The following RNASEH1 variants were observed in gnomAD, a reference collection of about 807,000 sequenced individuals.
RNASEH1 encodes ribonuclease H1.
In RNASEH1, 27 loss-of-function variants were observed where a neutral mutation model predicts 34.6. The observed-to-expected ratio is 0.78, with a 90% CI of 0.58 to 1.08. The LOEUF (loss-of-function observed/expected upper bound fraction) is 1.08. Among genes scored for constraint, RNASEH1 ranks in the 50% least tolerant of loss-of-function variants. RNASEH1 has a pLI of 0.00. For synonymous variants in RNASEH1, 162 were observed against 138.4 expected (o/e 1.17, Z -1.20); for missense variants, 349 against 373.6 (o/e 0.93, Z 0.54).
the RNASEH1 span, chr2:3,532,118 G>T: frequency 1.6e-6 from 1 of 629,640 alleles, no homozygotes; most frequent in Non-Finnish European, 2.9e-6. Context: ...GGGAAGGGGA[G>T]TTTTGGGGAA....
intron 2 of RNASEH1, 149 bp downstream of exon 2, chr2:3,556,640 C>T (rs1660528338): frequency 1.6e-6 from 1 of 611,678 alleles, no homozygotes; most frequent in Non-Finnish European, 3.0e-6. Flanking sequence ...TTTGTAACTG[C>T]TTTCAGTCTG....
rs769670120 is a variant in RNASEH1 at position 3,558,243 on chromosome 2, G to A, written c.18C>T (p.Phe6=). The change falls in exon 1 of 8, where the codon TTC becomes TTT. Residue 6 remains phenylalanine, a synonymous_variant. Coordinates refer to ENST00000315212, the MANE Select transcript of RNASEH1 (RefSeq NM_002936.6). ...CGGCCAAGGCGACTCTGTGGGCCAG[G>A]AACAGAAGCCAGCTCATCGCTCACT... MSWLL[F]LAHRVALAAL... 4 of 1,593,932 alleles carry A rather than the reference G, an allele frequency of 2.5e-6. No individual in the cohort carries two copies. The South Asian group carries it at 3.4e-5, about 14-fold the overall frequency.
At position 3,555,581 on chromosome 2, in the gene RNASEH1, C is replaced by T. The variant is rs1226892207; in HGVS notation, c.244+1208G>A. Reference sequence around the variant, plus strand: ...GGATTGTTACGATGATTCGAAGGAGCAGTTGTTCAGGTTCAAGCATCTCAG... The same window carrying T: ...GGATTGTTACGATGATTCGAAGGAGTAGTTGTTCAGGTTCAAGCATCTCAG... On this transcript the variant is annotated intron_variant, in intron 2 of 7. Coordinates refer to ENST00000315212, the MANE Select transcript of RNASEH1 (RefSeq NM_002936.6). 2.6e-5 allele frequency among the ~76,000 whole-genome samples: 4 copies of T among 152,154 alleles called. No homozygotes were observed. In the East Asian group the frequency reaches 5.8e-4, roughly 22 times the overall value.
chr2:3,538,574 T>G (rs574990643), downstream of RNASEH1, among the ~76,000 whole-genome samples: 106 of 152,148 alleles, frequency 7.0e-4, no homozygotes, highest in Non-Finnish European at 1.3e-3. Context: ...TTTTTCCACT[T>G]AACAGTGCCC....
the RNASEH1 span, among the ~76,000 whole-genome samples, chr2:3,534,541 C>A: frequency 2.6e-5 from 4 of 152,242 alleles, no homozygotes; most frequent in African/African-American, 7.2e-5. Flanking sequence ...TTGGGTGCCA[C>A]CACGTTCCCC....
At chr2:3,554,859 T>G (rs1660329756) in intron 2 of RNASEH1, among the ~76,000 whole-genome samples, 1 of 152,228 alleles carries the variant, frequency 6.6e-6, no homozygotes, top group East Asian at 1.9e-4. Flanking sequence ...AAACTGATTT[T>G]TCCATCTGGG....
chr2:3,551,722 C>A (rs992858439), intron 3 of RNASEH1, among the ~76,000 whole-genome samples: 3 of 152,284 alleles, frequency 2.0e-5, no homozygotes, highest in Non-Finnish European at 2.9e-5. Context: ...GAAAAGTTCA[C>A]TACTACCTTG....
chr2:3,554,031 G>A (rs1024551488), intron 2 of RNASEH1, among the ~76,000 whole-genome samples: 1 of 152,174 alleles, frequency 6.6e-6, no homozygotes, highest in African/African-American at 2.4e-5. Context: ...AACCAGGGAT[G>A]GAGAAATGGG....
At chr2:3,553,681 C>T (rs912793913) in intron 2 of RNASEH1, among the ~76,000 whole-genome samples, 12 of 152,106 alleles carry the variant, frequency 7.9e-5, no homozygotes, top group African/African-American at 2.9e-4. Flanking sequence ...TGAGCCGCTG[C>T]GCCCGGCCCC....
the RNASEH1 span, chr2:3,532,292 T>C: frequency 1.7e-5 from 12 of 702,306 alleles, no homozygotes; most frequent in South Asian, 1.8e-4. Context: ...AAACAGTAGA[T>C]CAGCAGTTTA....
intron 1 of RNASEH1, chr2:3,557,634 C>A: frequency 2.7e-6 from 1 of 370,514 alleles, no homozygotes; most frequent in Non-Finnish European, 5.5e-6. Context: ...AACTTCCTGA[C>A]CCCAAGAACT....
At chr2:3,535,987 G>A in the RNASEH1 span, among the ~76,000 whole-genome samples, 10 of 152,320 alleles carry the variant, frequency 6.6e-5, no homozygotes, top group Non-Finnish European at 1.2e-4. Flanking sequence ...TCCCGGCCAC[G>A]AGAGAGCCAG....
intron 5 of RNASEH1, 61 bp downstream of exon 5, chr2:3,548,997 A>T: frequency 7.8e-7 from 1 of 1,284,758 alleles, no homozygotes; most frequent in Non-Finnish European, 1.1e-6. Flanking sequence ...GAATTAGTTT[A>T]TTTGATAATT....
chr2:3,532,582 C>T, the RNASEH1 span, among the ~76,000 whole-genome samples: 1 of 152,248 alleles, frequency 6.6e-6, no homozygotes, highest in Non-Finnish European at 1.5e-5. Context: ...TAAACCTGTA[C>T]AGCAGGTCAC....
At position 3,543,909 on chromosome 2, in the gene RNASEH1, C is replaced by T. The variant is rs1668515793; in HGVS notation, c.*1876G>A. On this transcript the variant is annotated 3_prime_UTR_variant, in exon 8 of 8. Coordinates refer to ENST00000315212, the MANE Select transcript of RNASEH1 (RefSeq NM_002936.6). ...GATTACAGGCATAAGACACCATGCC[C>T]AGCCCATGAATTCTTGTATATATGT... 6.6e-6 allele frequency among the ~76,000 whole-genome samples: 1 copy of T among 152,136 alleles called. No individual in the cohort carries two copies. The highest frequency in any genetic ancestry group is 6.5e-5 in the Admixed American group (1 of 15,272).
rs147831154 is a variant in RNASEH1 at position 3,552,845 on chromosome 2, T to C, written c.245-537A>G. On this transcript the variant is annotated intron_variant, in intron 2 of 7. Coordinates refer to ENST00000315212, the MANE Select transcript of RNASEH1 (RefSeq NM_002936.6). ...ACCCCTTTGCTTAAAAATAGATAAA[T>C]CTAAAAAAAGATGAGTTGTGTCCAT... Among the ~76,000 whole-genome samples, 1,241 of 151,440 alleles carry C rather than the reference T, an allele frequency of 8.2e-3. 9 individuals carry two copies. Among genetic ancestry groups the C allele is most frequent in the Non-Finnish European group, 0.013 (885 of 67,860 alleles).
At chr2:3,537,713 C>T (rs1020443242), downstream of RNASEH1, among the ~76,000 whole-genome samples, 5 of 151,228 alleles carry the variant, frequency 3.3e-5, no homozygotes, top group Non-Finnish European at 7.4e-5. Flanking sequence ...AGAGCAAGAC[C>T]GTGTCTCAAA....
intron 2 of RNASEH1, among the ~76,000 whole-genome samples, chr2:3,554,492 T>G (rs1197600476): frequency 1.3e-5 from 2 of 152,162 alleles, no homozygotes; most frequent in African/African-American, 4.8e-5. Context: ...AATTCTAAAA[T>G]AAGGATAAAT....
chr2:3,538,336 G>C (rs1668097079), downstream of RNASEH1, among the ~76,000 whole-genome samples: 1 of 151,536 alleles, frequency 6.6e-6, no homozygotes, highest in Non-Finnish European at 1.5e-5. Flanking sequence ...TGAGCAACAA[G>C]AGCAAAACTC....
Sources: allele counts gnomAD v4.1 joint callset (sites outside exome capture counted in the v4.1 genomes callset), GRCh38; gene constraint gnomAD v4.1.1; transcripts MANE v1.5; gene names NCBI Gene and HGNC (gene_info 2026-07-23, HGNC 2026-07-21).